The following ARHGAP42 variants were observed in gnomAD, a reference collection of about 807,000 sequenced individuals.
ARHGAP42 encodes Rho GTPase activating protein 42, also known as rho GTPase-activating protein 42.
In ARHGAP42, 63 loss-of-function variants were observed where a neutral mutation model predicts 125.0. The observed-to-expected ratio is 0.50, with a 90% confidence interval of 0.41 to 0.62. The LOEUF (loss-of-function observed/expected upper bound fraction) is 0.62, where lower values mean the gene tolerates loss of function less well. ARHGAP42 is among the 20% of genes least tolerant of loss of function. The probability of loss-of-function intolerance (pLI) is 0.00; values close to 1 mark genes in which losing one functional copy is unlikely to be tolerated. For synonymous variants in ARHGAP42, 339 were observed against 351.0 expected (o/e 0.97, Z 0.38); for missense variants, 766 against 1,024.2 (o/e 0.75, Z 3.44).
At chr11:100,979,153 G>C (rs1858467557) in intron 22 of ARHGAP42, 104 bp downstream of exon 22, 8 of 1,150,806 alleles carry the variant, frequency 7.0e-6, no homozygotes, top group Non-Finnish European at 8.8e-6. Context: ...CCATTATGCA[G>C]ATGGTCAAAT....
intron 4 of ARHGAP42, among the ~76,000 whole-genome samples, chr11:100,884,690 C>A (rs1166392470): frequency 1.3e-5 from 2 of 152,040 alleles, no homozygotes; most frequent in Non-Finnish European, 2.9e-5. Context: ...CCCCCAACCC[C>A]GTCCCACTAC....
At chr11:100,753,490 G>C (rs533041951) in intron 1 of ARHGAP42, among the ~76,000 whole-genome samples, 1 of 152,216 alleles carries the variant, frequency 6.6e-6, no homozygotes, top group African/African-American at 2.4e-5. Context: ...CAATTTCAAG[G>C]AAAGTGCTTC....
At position 100,687,792 on chromosome 11, in the gene ARHGAP42, G is replaced by A. The variant is rs1861110393; in HGVS notation, c.114G>A (p.Glu38=). Residue 38 remains glutamate (E), a synonymous_variant, in exon 1 of 24, where the codon GAG becomes GAA. Transcript: ENST00000298815. The part of the protein sequence containing the change: ...ELERTNKFIK[E]LIKDGSLLIG... ...AGCGAACCAACAAGTTCATCAAGGA[G>A]CTCATTAAGGACGGCTCTCTGCTCA... 1.3e-6 allele frequency: 2 copies of A among 1,550,914 alleles called. No homozygotes were observed. The highest frequency in any genetic ancestry group is 4.9e-5 in the East Asian group (2 of 40,886).
intron 1 of ARHGAP42, among the ~76,000 whole-genome samples, chr11:100,734,942 A>G (rs188657506): frequency 8.9e-4 from 136 of 152,348 alleles, no homozygotes; most frequent in African/African-American, 3.1e-3. Flanking sequence ...CACTGATAAC[A>G]GATGCAGAAG....
chr11:100,952,358 CT>C (rs1857681389), intron 12 of ARHGAP42, among the ~76,000 whole-genome samples: 2 of 152,116 alleles, frequency 1.3e-5, no homozygotes, highest in Admixed American at 1.3e-4. Context: ...CAAATATAAT[CT>C]TTTCAACACC....
At chr11:100,905,742 C>T (rs1463245464) in intron 4 of ARHGAP42, among the ~76,000 whole-genome samples, 1 of 152,112 alleles carries the variant, frequency 6.6e-6, no homozygotes, top group African/African-American at 2.4e-5. Context: ...TTTGGGAGGT[C>T]GAGGCGGGTG....
chr11:100,834,527 A>G (rs933388510), intron 3 of ARHGAP42, among the ~76,000 whole-genome samples: 3 of 152,134 alleles, frequency 2.0e-5, no homozygotes, highest in Admixed American at 6.6e-5. Flanking sequence ...CTCATTGGGT[A>G]CTCAAGTCAA....
In ARHGAP42 at chr11:100,962,474, A is replaced by T; in HGVS notation, c.1444+7A>T. The T allele has an allele frequency of 6.5e-7, 1 of 1,546,070 alleles. No individual in the cohort carries two copies. Among genetic ancestry groups the T allele is most frequent in the Non-Finnish European group, 8.8e-7 (1 of 1,142,074 alleles). On this transcript the variant is annotated splice_region_variant and intron_variant, in intron 16 of 23. Transcript: ENST00000298815. ...GATTTTATCATTGCTGTTAGTAAGT[A>T]TACTTGCATCATATACACATTATAA...
At chr11:100,779,214 A>T (rs1463858021) in intron 2 of ARHGAP42, among the ~76,000 whole-genome samples, 1 of 151,838 alleles carries the variant, frequency 6.6e-6, no homozygotes, top group Non-Finnish European at 1.5e-5. Context: ...TGGGAGGCCA[A>T]GGTGGGTGGA....
At chr11:100,788,820 G>T (rs553360957) in intron 2 of ARHGAP42, among the ~76,000 whole-genome samples, 1 of 152,136 alleles carries the variant, frequency 6.6e-6, no homozygotes, top group Non-Finnish European at 1.5e-5. Flanking sequence ...TTTGGTTATG[G>T]ATTAAATTGT....
chr11:100,914,810 C>T (rs545805250), intron 5 of ARHGAP42, among the ~76,000 whole-genome samples: 166 of 152,208 alleles, frequency 1.1e-3, no homozygotes, highest in Non-Finnish European at 2.1e-3. Flanking sequence ...CTCTTTATTC[C>T]TTTTCTTATT....
chr11:100,913,692 A>C (rs1866988288), intron 5 of ARHGAP42, 139 bp downstream of exon 5: 1 of 356,044 alleles, frequency 2.8e-6, no homozygotes, highest in African/African-American at 2.2e-5. Context: ...TTGAGCACTT[A>C]CTATGGGCGA....
intron 9 of ARHGAP42, among the ~76,000 whole-genome samples, chr11:100,942,255 A>G (rs1867906210): frequency 6.6e-6 from 1 of 152,134 alleles, no homozygotes; most frequent in Non-Finnish European, 1.5e-5. Flanking sequence ...CTTTCCCCTG[A>G]GTGGCCTCTG....
intron 4 of ARHGAP42, among the ~76,000 whole-genome samples, chr11:100,887,830 G>A (rs1866128196): frequency 6.6e-6 from 1 of 152,150 alleles, no homozygotes; most frequent in Non-Finnish European, 1.5e-5. Context: ...GTTGATAGGG[G>A]CAGGAGCAGA....
At position 100,730,774 on chromosome 11, in the gene ARHGAP42, C is replaced by T. The variant is rs565136856; in HGVS notation, c.155-39569C>T. Among the ~76,000 whole-genome samples the T allele has an allele frequency of 4.6e-5, 7 of 152,206 alleles. No individual in the cohort carries two copies. The South Asian group carries it at 1.2e-3, about 27-fold the overall frequency. On this transcript the variant is annotated intron_variant, in intron 1 of 23. Coordinates refer to ENST00000298815, the MANE Select transcript of ARHGAP42 (RefSeq NM_152432.4). The stretch of plus-strand genomic sequence containing the variant: ...CATCATAGAATGTATTTACAAAAAC[C>T]TAGTTGGTATAATTTACTGCACACC...
intron 1 of ARHGAP42, among the ~76,000 whole-genome samples, chr11:100,697,831 C>G (rs1861313455): frequency 6.6e-6 from 1 of 151,934 alleles, no homozygotes; most frequent in African/African-American, 2.4e-5. Flanking sequence ...TTCCTTATTC[C>G]TTAAAATGTC....
intron 1 of ARHGAP42, among the ~76,000 whole-genome samples, chr11:100,714,722 A>G (rs1321063603): frequency 1.3e-5 from 2 of 152,112 alleles, no homozygotes; most frequent in Non-Finnish European, 2.9e-5. Context: ...TTAAACTACA[A>G]CAGATAGACC....
At chr11:100,932,539 G>A (rs894336177) in intron 6 of ARHGAP42, among the ~76,000 whole-genome samples, 2 of 152,072 alleles carry the variant, frequency 1.3e-5, no homozygotes, top group Non-Finnish European at 2.9e-5. Flanking sequence ...TAAGATCATA[G>A]AAATTATGAC....
intron 5 of ARHGAP42, among the ~76,000 whole-genome samples, chr11:100,920,392 G>A (rs952613277): frequency 6.6e-6 from 1 of 152,022 alleles, no homozygotes; most frequent in African/African-American, 2.4e-5. Context: ...TACTAATAGA[G>A]TCTGTTAACT....
Sources: gnomAD v4.1 joint callset for allele counts (sites outside exome capture counted in the v4.1 genomes callset) on GRCh38, gnomAD v4.1.1 for gene constraint, MANE v1.5 for transcripts, NCBI Gene and HGNC (gene_info 2026-07-23, HGNC 2026-07-21) for gene names.